Variants in DIAPH3 observed in about 807,000 individuals in gnomAD.
The protein encoded by DIAPH3 is diaphanous related formin 3.
In DIAPH3, 117 loss-of-function variants were observed where a neutral mutation model predicts 144.3. That is an observed-to-expected ratio of 0.81 (90% CI 0.70 to 0.95). The LOEUF (loss-of-function observed/expected upper bound fraction) is 0.95, where lower values mean the gene tolerates loss of function less well. Among genes scored for constraint, DIAPH3 ranks in the 40% least tolerant of loss-of-function variants. The pLI, the probability that DIAPH3 is intolerant of heterozygous loss-of-function variation, is 0.00. For synonymous variants in DIAPH3, 519 were observed against 488.9 expected (o/e 1.06, Z -0.81); for missense variants, 1,421 against 1,412.7 (o/e 1.01, Z -0.09).
At chr13:59,902,397 A>G (rs1027081240) in intron 20 of DIAPH3, among the ~76,000 whole-genome samples, 8 of 152,266 alleles carry the variant, frequency 5.3e-5, no homozygotes, top group Admixed American at 6.5e-5. Flanking sequence ...CACCATGATC[A>G]TAAGTCTCCT....
intron 18 of DIAPH3, among the ~76,000 whole-genome samples, chr13:59,923,013 T>C (rs1286663332): frequency 6.6e-6 from 1 of 152,134 alleles, no homozygotes; most frequent in African/African-American, 2.4e-5. Context: ...GGTGGGGTTG[T>C]AGTGAAGATT....
chr13:59,903,885 T>A (rs959888184), intron 20 of DIAPH3, among the ~76,000 whole-genome samples: 2 of 152,224 alleles, frequency 1.3e-5, no homozygotes, highest in Non-Finnish European at 2.9e-5. Flanking sequence ...AGATGTGCCA[T>A]GTGCTGGGAA....
At chr13:59,886,400 G>C (rs979390208) in intron 20 of DIAPH3, among the ~76,000 whole-genome samples, 3 of 151,994 alleles carry the variant, frequency 2.0e-5, no homozygotes, top group Non-Finnish European at 4.4e-5. Context: ...CAGTAGTTTA[G>C]GTCCACCAAG....
chr13:59,865,970 CATT>C (rs944501828), intron 21 of DIAPH3, among the ~76,000 whole-genome samples: 2 of 151,960 alleles, frequency 1.3e-5, no homozygotes, highest in Non-Finnish European at 1.5e-5. Context: ...TACTCCGCAT[CATT>C]ATGTTCCTAT....
At chr13:59,957,923 C>A (rs1020255980) in intron 17 of DIAPH3, among the ~76,000 whole-genome samples, 3 of 152,008 alleles carry the variant, frequency 2.0e-5, no homozygotes, top group Admixed American at 6.6e-5. Flanking sequence ...ACCTGTGAAA[C>A]CCTGAAAAAT....
chr13:59,790,954 CTTTAT>C (rs1371018337), intron 25 of DIAPH3, among the ~76,000 whole-genome samples: 2 of 152,040 alleles, frequency 1.3e-5, no homozygotes, highest in Admixed American at 6.6e-5. Context: ...TTGAGAACAA[CTTTAT>C]TTTATTTTTA....
rs777608765 is a variant in DIAPH3 at position 59,879,270 on chromosome 13, T to C, written c.2566A>G (p.Asn856Asp). The C allele has an allele frequency of 6.2e-7, 1 of 1,613,870 alleles. No individual in the cohort carries two copies. The highest frequency in any genetic ancestry group is 8.5e-7 in the Non-Finnish European group (1 of 1,179,850). ...AGGTTAAATCCGAAGGTTTGAGCAT[T>C]CCGGGAGCCAGCATTCATGTAGTTT... The part of the protein sequence containing the change: ...MGNYMNAGSR[N>D]AQTFGFNLSS... Residue 856 changes from asparagine (N) to aspartate (D), a missense_variant, in exon 21 of 28, where the codon AAT (asparagine) becomes GAT (aspartate). Coordinates refer to ENST00000400324, the MANE Select transcript of DIAPH3 (RefSeq NM_001042517.2).
intron 9 of DIAPH3, among the ~76,000 whole-genome samples, chr13:59,995,390 C>T (rs1166825850): frequency 6.6e-6 from 1 of 151,898 alleles, no homozygotes; most frequent in Non-Finnish European, 1.5e-5. Context: ...AAACCAACCT[C>T]CCTCTGCGCT....
rs557795835 is a variant in DIAPH3, at chr13:59,900,778, C to A, written c.2367+10957G>T. Among the ~76,000 whole-genome samples the A allele has an allele frequency of 3.9e-5, 6 of 152,242 alleles. No individual in the cohort carries two copies. In the South Asian group the frequency reaches 1.2e-3, roughly 32 times the overall value. On this transcript the variant is annotated intron_variant, in intron 20 of 27. Coordinates refer to ENST00000400324, the MANE Select transcript of DIAPH3 (RefSeq NM_001042517.2). ...TCCATCCCTGAACTCCCAGCTTATA[C>A]CCCCAAATGCATGCTTCATATGTCC...
At chr13:59,850,376 GA>G (rs1172779892) in intron 22 of DIAPH3, among the ~76,000 whole-genome samples, 3 of 151,530 alleles carry the variant, frequency 2.0e-5, no homozygotes, top group African/African-American at 7.3e-5. Context: ...AGCGGTGAGA[GA>G]GGGCATCCCT....
Position 59,908,369 on chromosome 13 carries a change from C to CAA in DIAPH3, c.2367+3364_2367+3365dup, listed in dbSNP as rs773306723. On this transcript the variant is annotated intron_variant, in intron 20 of 27. Transcript: ENST00000400324. ...CTGGTGACAGAGCTAGACTCTGTCT[C>CAA]AAAAAAAAAAAAAAAAAAAAAAAAA... Among the ~76,000 whole-genome samples, 306 of 40,928 alleles carry CAA rather than the reference C, an allele frequency of 7.5e-3. 3 individuals carry two copies. The highest frequency in any genetic ancestry group is 0.012 in the African/African-American group (122 of 10,104). The allele number at this position is 40,928 out of a possible 152,430, so 26.9% of individuals were successfully genotyped here.
chr13:59,773,386 C>T (rs2038224555), intron 27 of DIAPH3, among the ~76,000 whole-genome samples: 1 of 152,122 alleles, frequency 6.6e-6, no homozygotes, highest in Non-Finnish European at 1.5e-5. Flanking sequence ...GAACTTAAGT[C>T]ATCTGCACCC....
chr13:60,072,461 A>G (rs2057245346), intron 4 of DIAPH3, among the ~76,000 whole-genome samples: 1 of 152,158 alleles, frequency 6.6e-6, no homozygotes, highest in Non-Finnish European at 1.5e-5. Flanking sequence ...GCAGGCCATA[A>G]CTAATTTTAT....
chr13:60,052,959 T>TACAAAAAAAA (rs1555365766), intron 4 of DIAPH3, among the ~76,000 whole-genome samples: 1 of 40,660 alleles, frequency 2.5e-5, no homozygotes, highest in Non-Finnish European at 4.0e-5. Context: ...GACTCCCTCT[T>TACAAAAAAAA]AAAAAAAAAA....
intron 17 of DIAPH3, among the ~76,000 whole-genome samples, chr13:59,946,401 C>T (rs1285275510): frequency 6.6e-6 from 1 of 152,088 alleles, no homozygotes; most frequent in South Asian, 2.1e-4. Flanking sequence ...GAGAAAAAAA[C>T]CTCCCGAACA....
intron 16 of DIAPH3, 41 bp downstream of exon 16, chr13:59,970,811 A>C: frequency 1.9e-6 from 3 of 1,557,698 alleles, no homozygotes; most frequent in Non-Finnish European, 1.8e-6. Flanking sequence ...AATTAGATTT[A>C]GATCTAAGTA....
rs761741463 is a variant in DIAPH3 at position 59,916,225 on chromosome 13, A to C, written c.2195T>G (p.Val732Gly). ...NLSIFLSSFRVPYEEIRMMIL... is the reference protein window; with the variant it reads ...NLSIFLSSFRGPYEEIRMMIL... The stretch of plus-strand genomic sequence containing the variant: ...CATCATTCTGATTTCCTCATATGGC[A>C]CCCGAAAAGAGCTCAGGAAGATTGC... The change falls in exon 19 of 28, where the codon GTG (valine) becomes GGG (glycine). Residue 732 changes from valine to glycine, a missense_variant. Val to Gly is a moderately radical substitution (Grantham distance 109, BLOSUM62 -3). Coordinates refer to ENST00000400324, the MANE Select transcript of DIAPH3 (RefSeq NM_001042517.2). 42 of 1,613,096 alleles carry C rather than the reference A, an allele frequency of 2.6e-5. No individual in the cohort carries two copies. Among genetic ancestry groups the C allele is most frequent in the Non-Finnish European group, 4.2e-6 (5 of 1,179,446 alleles).
chr13:60,073,983 T>C (rs868952), intron 4 of DIAPH3, among the ~76,000 whole-genome samples: 84,428 of 152,006 alleles, frequency 0.56, 23,982 homozygotes, highest in Admixed American at 0.61. Flanking sequence ...AGGAACAATA[T>C]CAGATTCTGT....
intron 4 of DIAPH3, among the ~76,000 whole-genome samples, chr13:60,077,239 A>C (rs1859385266): frequency 6.6e-6 from 1 of 152,106 alleles, no homozygotes; most frequent in Admixed American, 6.6e-5. Flanking sequence ...GAAATGCGTA[A>C]AGATCACGAG....
Sources: allele counts gnomAD v4.1 joint callset (sites outside exome capture counted in the v4.1 genomes callset), GRCh38; gene constraint gnomAD v4.1.1; transcripts MANE v1.5; gene names NCBI Gene and HGNC (gene_info 2026-07-23, HGNC 2026-07-21).